The following NFIL3 variants were observed in gnomAD, a reference collection of about 807,000 sequenced individuals.
NFIL3 encodes nuclear factor interleukin-3-regulated protein.
Under a neutral mutation model 10.0 loss-of-function variants are expected in NFIL3, and 5 were observed. That is an observed-to-expected ratio of 0.50 (90% CI 0.26 to 1.06). The LOEUF is 1.06. Ranked by LOEUF, NFIL3 falls within the 50% of genes least tolerant of loss-of-function variation. NFIL3 has a pLI of 0.13. For missense variants in NFIL3, 436 were observed against 547.6 expected (o/e 0.80, Z 2.03); for synonymous variants, 202 against 206.5 (o/e 0.98, Z 0.19).
chr9:91,458,506 T>C, the NFIL3 span, among the ~76,000 whole-genome samples: 29,858 of 151,998 alleles, frequency 0.2, 3,497 homozygotes, highest in East Asian at 0.49. Flanking sequence ...CTTCTTGATA[T>C]TGGGCCTTCA....
At chr9:91,431,029 A>G in the NFIL3 span, among the ~76,000 whole-genome samples, 1 of 152,260 alleles carries the variant, frequency 6.6e-6, no homozygotes, top group East Asian at 1.9e-4. Flanking sequence ...TGACCAAGGG[A>G]ACCTTGGGGA....
At chr9:91,463,893 C>G in the NFIL3 span, among the ~76,000 whole-genome samples, 1 of 152,030 alleles carries the variant, frequency 6.6e-6, no homozygotes, top group Admixed American at 6.6e-5. Flanking sequence ...AGAATCGACT[C>G]CTTTATAATT....
chr9:91,424,521 G>A (rs1319580746), upstream of NFIL3, among the ~76,000 whole-genome samples: 1 of 152,182 alleles, frequency 6.6e-6, no homozygotes, highest in Non-Finnish European at 1.5e-5. Context: ...GCAGGGCTGC[G>A]CGGCGGAGGC....
At position 91,420,352 on chromosome 9, in the gene NFIL3, TACACACACAC is replaced by T. The variant is rs144270881; in HGVS notation, c.-173+3278_-173+3287del. Among the ~76,000 whole-genome samples, 127 of 144,500 alleles carry T rather than the reference TACACACACAC, an allele frequency of 8.8e-4. 2 individuals are homozygous for T. Among genetic ancestry groups the T allele is most frequent in the African/African-American group, 2.3e-3 (89 of 39,392 alleles). 94.8% of individuals were successfully genotyped at this position (144,500 alleles called of 152,430 possible). On this transcript the variant is annotated intron_variant, in intron 1 of 1. Coordinates refer to ENST00000297689, the MANE Select transcript of NFIL3 (RefSeq NM_005384.3). Reference sequence around the variant, plus strand: ...TTACAAAGAGAAAAATGAAGGTAAATACACACACACACACACACACACACACACACACACA... The same window carrying T: ...TTACAAAGAGAAAAATGAAGGTAAATACACACACACACACACACACACACA...
chr9:91,424,606 A>G (rs923011664), upstream of NFIL3, among the ~76,000 whole-genome samples: 7 of 152,172 alleles, frequency 4.6e-5, no homozygotes, highest in Admixed American at 4.6e-4. Context: ...TCCACGCACA[A>G]ACACCGCCCC....
At chr9:91,443,487 C>T in the NFIL3 span, among the ~76,000 whole-genome samples, 1 of 152,246 alleles carries the variant, frequency 6.6e-6, no homozygotes, top group African/African-American at 2.4e-5. Context: ...TCAGCACCTC[C>T]TTGGCCTCCC....
the NFIL3 span, among the ~76,000 whole-genome samples, chr9:91,470,506 A>G: frequency 6.7e-3 from 1,012 of 151,286 alleles, 13 homozygotes; most frequent in African/African-American, 0.024. Flanking sequence ...AGGGTTTTTT[A>G]TGTCTCTATC....
the NFIL3 span, among the ~76,000 whole-genome samples, chr9:91,461,607 T>C: frequency 6.6e-6 from 1 of 152,306 alleles, no homozygotes; most frequent in South Asian, 2.1e-4. Context: ...TGGCTTCAGG[T>C]GTTTCTTGGC....
At position 91,410,981 on chromosome 9, in the gene NFIL3, A is replaced by T. The variant is rs1833537433; in HGVS notation, c.-172-75T>A. The T allele has an allele frequency of 2.1e-6, 1 of 480,962 alleles. No homozygotes were observed. The highest frequency in any genetic ancestry group is 3.7e-6 in the Non-Finnish European group (1 of 266,750). The allele number at this position is 480,962 out of a possible 1,614,324, so 29.8% of individuals were successfully genotyped here. A position where few individuals can be genotyped will look rare whatever the true frequency, so the allele number is the denominator to read the frequency against. On this transcript the variant is annotated intron_variant, in intron 1 of 1. Transcript: ENST00000297689. The surrounding 1 kb of genome is among the most constrained non-coding windows in gnomAD (Gnocchi z 5.7). ...TATTACAAATTATGTACAAGGAAATATGCTAAGCATTTAGGGCATACAAGC... is the reference window on the plus strand; with the variant it reads ...TATTACAAATTATGTACAAGGAAATTTGCTAAGCATTTAGGGCATACAAGC...
the NFIL3 span, among the ~76,000 whole-genome samples, chr9:91,457,708 C>T: frequency 2.2e-3 from 330 of 152,044 alleles, 1 homozygote; most frequent in African/African-American, 7.5e-3. Flanking sequence ...TGCTCAGAAC[C>T]TCTAGTACAA....
chr9:91,465,673 T>C, the NFIL3 span, among the ~76,000 whole-genome samples: 1 of 152,206 alleles, frequency 6.6e-6, no homozygotes, highest in Middle Eastern at 3.4e-3. Flanking sequence ...TGCCTTTAAA[T>C]TTTTTGTGGA....
chr9:91,469,841 T>C, the NFIL3 span, among the ~76,000 whole-genome samples: 20 of 152,328 alleles, frequency 1.3e-4, no homozygotes, highest in African/African-American at 4.8e-4. Context: ...ATTTATTGAT[T>C]TGCGTATGTT....
intron 1 of NFIL3, among the ~76,000 whole-genome samples, chr9:91,420,995 A>G (rs1418050484): frequency 2.0e-5 from 3 of 151,910 alleles, no homozygotes; most frequent in Admixed American, 6.5e-5. Context: ...TCCACCCCCA[A>G]TTTCTGTGGC....
the NFIL3 span, among the ~76,000 whole-genome samples, chr9:91,448,750 T>C: frequency 3.0e-5 from 4 of 131,436 alleles, no homozygotes; most frequent in Non-Finnish European, 4.6e-5. Context: ...GAAGTAAAGA[T>C]TGGCTTGTCC....
Position 91,409,459 on chromosome 9 carries a change from A to G in NFIL3, c.1276T>C (p.Ser426Pro), listed in dbSNP as rs760944357. The change falls in exon 2 of 2, where the codon TCT (serine) becomes CCT (proline). Residue 426 changes from serine (S) to proline (P), a missense_variant. By Grantham distance (74) the Ser-to-Pro change is moderately conservative. Coordinates refer to ENST00000297689, the MANE Select transcript of NFIL3 (RefSeq NM_005384.3). ...VEMKDSGYKV[S>P]DPENLYLKQG... ...TTCAAATACAAGTTCTCTGGGTCAGAAACTTTGTAGCCACTGTCTTTCATT... is the reference window on the plus strand; with the variant it reads ...TTCAAATACAAGTTCTCTGGGTCAGGAACTTTGTAGCCACTGTCTTTCATT... 1 of 1,614,188 alleles carries G rather than the reference A, an allele frequency of 6.2e-7. No homozygotes were observed. The highest frequency in any genetic ancestry group is 8.5e-7 in the Non-Finnish European group (1 of 1,180,026).
chr9:91,478,757 G>T, the NFIL3 span, among the ~76,000 whole-genome samples: 1 of 152,120 alleles, frequency 6.6e-6, no homozygotes, highest in Non-Finnish European at 1.5e-5. Context: ...TTTTTGCACT[G>T]TTTTTTCCTG....
chr9:91,438,683 G>C, the NFIL3 span, among the ~76,000 whole-genome samples: 9 of 152,242 alleles, frequency 5.9e-5, no homozygotes, highest in East Asian at 1.3e-3. Context: ...GTTGCTTTTT[G>C]TGCATGATGT....
At chr9:91,443,370 C>T in the NFIL3 span, among the ~76,000 whole-genome samples, 1 of 152,186 alleles carries the variant, frequency 6.6e-6, no homozygotes, top group Non-Finnish European at 1.5e-5. Flanking sequence ...AGGGAACAGC[C>T]CCTTTCTGCC....
At chr9:91,417,354 C>G (rs1014744975) in intron 1 of NFIL3, among the ~76,000 whole-genome samples, 2 of 152,156 alleles carry the variant, frequency 1.3e-5, no homozygotes, top group Non-Finnish European at 2.9e-5. Flanking sequence ...TCCAGTAAGA[C>G]AGCAGATGCT....
Sources: gnomAD v4.1 joint callset for allele counts (sites outside exome capture counted in the v4.1 genomes callset) on GRCh38, gnomAD v4.1.1 for gene constraint, Gnocchi (gnomAD v3.1) non-coding constraint, MANE v1.5 for transcripts, NCBI Gene and HGNC (gene_info 2026-07-23, HGNC 2026-07-21) for gene names.